Variants in DDX1 observed in about 807,000 individuals in gnomAD.
DDX1 encodes DEAD-box helicase 1.
In DDX1, 28 loss-of-function variants were observed where a neutral mutation model predicts 108.7. The ratio of observed to expected loss-of-function variants is 0.26; its 90% CI spans 0.19 to 0.35. DDX1 has a LOEUF of 0.35. Ranked by LOEUF, DDX1 falls within the 10% of genes least tolerant of loss-of-function variation. DDX1 has a pLI of 1.00. For synonymous variants in DDX1, 295 were observed against 288.9 expected (o/e 1.02, Z -0.21); for missense variants, 710 against 884.5 (o/e 0.80, Z 2.50).
At chr2:15,629,786 C>A in intron 24 of DDX1, 89 bp downstream of exon 24, 1 of 1,114,848 alleles carries the variant, frequency 9.0e-7, no homozygotes, top group Non-Finnish European at 1.3e-6. Context: ...TGGCTTTTAT[C>A]TGTTTGTCAC....
In DDX1 at chr2:15,617,254, T is replaced by C. The variant is rs1665911733; in HGVS notation, c.1028T>C (p.Val343Ala). 6.3e-7 allele frequency: 1 copy of C among 1,582,848 alleles called. No individual in the cohort carries two copies. The change falls in exon 15 of 26, where the codon GTT becomes GCT. Residue 343 changes from valine to alanine, a missense_variant. This residue lies in a region of DDX1 where 661 missense variants were observed against 810.2 expected (regional missense o/e 0.82). Transcript: ENST00000233084. Reference protein sequence around the residue: ...LSVLENGVDIVVGTPGRLDDL... With the variant: ...LSVLENGVDIAVGTPGRLDDL... ...TTTGCTTTTTTTCAGGTAGATATAG[T>C]TGTAGGTACTCCGGGAAGACTAGAT...
intron 5 of DDX1, among the ~76,000 whole-genome samples, chr2:15,599,440 G>A (rs1665553246): frequency 2.0e-5 from 3 of 151,662 alleles, no homozygotes; most frequent in Admixed American, 2.0e-4. Flanking sequence ...CCGAGTAGCT[G>A]GGATTACAGT....
At chr2:15,604,188 T>C (rs1665629465) in intron 9 of DDX1, among the ~76,000 whole-genome samples, 1 of 152,250 alleles carries the variant, frequency 6.6e-6, no homozygotes, top group South Asian at 2.1e-4. Context: ...TCATTTCTTA[T>C]TATTGATCAT....
intron 13 of DDX1, among the ~76,000 whole-genome samples, chr2:15,607,745 G>GA (rs1307906331): frequency 6.6e-6 from 1 of 152,080 alleles, no homozygotes. Context: ...AGTAGAGATA[G>GA]GGTTTCACTA....
intron 11 of DDX1, 25 bp downstream of exon 11, chr2:15,606,051 A>C: frequency 6.4e-7 from 1 of 1,570,538 alleles, no homozygotes. Context: ...AGTTAGAAAA[A>C]ATTTGCTGTG....
intron 14 of DDX1, among the ~76,000 whole-genome samples, chr2:15,616,666 G>A (rs1222773118): frequency 1.3e-5 from 2 of 152,180 alleles, no homozygotes; most frequent in Non-Finnish European, 2.9e-5. Context: ...TTTGCAGAGT[G>A]CCTGTTCATT....
At chr2:15,598,264 A>G (rs1665533158) in intron 5 of DDX1, among the ~76,000 whole-genome samples, 1 of 152,182 alleles carries the variant, frequency 6.6e-6, no homozygotes, top group African/African-American at 2.4e-5. Context: ...TAAAATGTAT[A>G]ATGTAGAATC....
chr2:15,610,603 C>T (rs1665735241), intron 13 of DDX1, among the ~76,000 whole-genome samples: 1 of 152,156 alleles, frequency 6.6e-6, no homozygotes, highest in Non-Finnish European at 1.5e-5. Flanking sequence ...GTTATCCTTT[C>T]TGGAGGCAAC....
At chr2:15,627,988 C>T (rs1164401362) in intron 20 of DDX1, among the ~76,000 whole-genome samples, 1 of 152,022 alleles carries the variant, frequency 6.6e-6, no homozygotes, top group Non-Finnish European at 1.5e-5. Flanking sequence ...TGGTGAGCAC[C>T]AGGGGCCTAC....
chr2:15,629,391 CTT>C (rs1330732905), intron 23 of DDX1, among the ~76,000 whole-genome samples: 3 of 152,054 alleles, frequency 2.0e-5, no homozygotes, highest in Non-Finnish European at 4.4e-5. Flanking sequence ...TTTAGGAAAA[CTT>C]TTGGATTATT....
At chr2:15,613,097 T>G (rs1342044996) in intron 13 of DDX1, 127 bp from the exon 14 acceptor site, 2 of 642,464 alleles carry the variant, frequency 3.1e-6, no homozygotes, top group Non-Finnish European at 5.2e-6. Flanking sequence ...TGTTTTATTG[T>G]AGGCTTTTTT....
At chr2:15,630,377 G>A (rs1005039933) in intron 25 of DDX1, among the ~76,000 whole-genome samples, 5 of 152,152 alleles carry the variant, frequency 3.3e-5, no homozygotes, top group African/African-American at 1.2e-4. Flanking sequence ...ACATTTTGTG[G>A]AATTAGTAGG....
chr2:15,603,690 T>G (rs935339429), intron 8 of DDX1, 124 bp from the exon 9 acceptor site: 7 of 688,046 alleles, frequency 1.0e-5, no homozygotes, highest in Non-Finnish European at 1.7e-5. Flanking sequence ...TTCAGAAACT[T>G]AGGGAATAGT....
chr2:15,617,019 G>T (rs1423870620), intron 14 of DDX1, among the ~76,000 whole-genome samples: 1 of 151,810 alleles, frequency 6.6e-6, no homozygotes, highest in African/African-American at 2.4e-5. Flanking sequence ...ATCAGTTAAG[G>T]ATGTCAAAAT....
At chr2:15,612,469 C>T (rs911732103) in intron 13 of DDX1, among the ~76,000 whole-genome samples, 3 of 150,944 alleles carry the variant, frequency 2.0e-5, no homozygotes, top group Non-Finnish European at 4.4e-5. Context: ...AAGAGGTGCT[C>T]CTCACTTCCT....
At chr2:15,602,739 G>C in intron 7 of DDX1, 108 bp downstream of exon 7, 1 of 833,770 alleles carries the variant, frequency 1.2e-6, no homozygotes, top group Non-Finnish European at 1.9e-6. Flanking sequence ...CTCGCACGTC[G>C]CCCGGGCTGG....
chr2:15,629,197 A>G (rs1219269199), intron 23 of DDX1, among the ~76,000 whole-genome samples: 2 of 152,200 alleles, frequency 1.3e-5, no homozygotes, highest in Non-Finnish European at 1.5e-5. Flanking sequence ...GAGCTCCCAT[A>G]TACTCATTGC....
chr2:15,592,320 T>G (rs910169708), intron 1 of DDX1, among the ~76,000 whole-genome samples: 1 of 152,140 alleles, frequency 6.6e-6, no homozygotes, highest in Non-Finnish European at 1.5e-5. Context: ...TGGGAACCCT[T>G]TTCTGCCCGC....
intron 19 of DDX1, among the ~76,000 whole-genome samples, chr2:15,625,468 C>G (rs1666085822): frequency 6.6e-6 from 1 of 152,078 alleles, no homozygotes; most frequent in Non-Finnish European, 1.5e-5. Context: ...ATATTGAATT[C>G]TAGTTAATTA....
Sources: allele counts gnomAD v4.1 joint callset (sites outside exome capture counted in the v4.1 genomes callset), GRCh38; gene constraint gnomAD v4.1.1; regional missense constraint gnomAD v4.1.1; transcripts MANE v1.5; gene names NCBI Gene and HGNC (gene_info 2026-07-23, HGNC 2026-07-21).